Variants in EDIL3 observed in about 807,000 individuals in gnomAD.
The protein encoded by EDIL3 is EGF-like repeat and discoidin I-like domain-containing protein 3.
Under a neutral mutation model 67.4 loss-of-function variants are expected in EDIL3, and 37 were observed. The observed-to-expected ratio is 0.55, with a 90% CI of 0.42 to 0.72. The LOEUF is 0.72. EDIL3 is among the 30% of genes least tolerant of loss of function. The pLI is 0.00. For missense variants in EDIL3, 527 were observed against 586.3 expected (o/e 0.90, Z 1.04); for synonymous variants, 195 against 196.3 (o/e 0.99, Z 0.05).
chr5:84,162,326 G>A (rs1056662728), intron 4 of EDIL3, among the ~76,000 whole-genome samples: 2 of 152,066 alleles, frequency 1.3e-5, no homozygotes, highest in Non-Finnish European at 2.9e-5. Flanking sequence ...CAGGACAAGG[G>A]GTCCCTCCTG....
rs950373941 is a variant in EDIL3 at position 84,239,878 on chromosome 5, C to G, written c.197-9994G>C. 3.9e-5 allele frequency among the ~76,000 whole-genome samples: 6 copies of G among 152,168 alleles called. No homozygotes were observed. The East Asian group carries it at 1.2e-3, about 29-fold the overall frequency. On this transcript the variant is annotated intron_variant, in intron 2 of 10. Coordinates refer to ENST00000296591, the MANE Select transcript of EDIL3 (RefSeq NM_005711.5). ...CAGACAGGAAAACCAAACATTTGTTCTAATGGAAACAATTTCCTTAGTGTC... is the reference window on the plus strand; with the variant it reads ...CAGACAGGAAAACCAAACATTTGTTGTAATGGAAACAATTTCCTTAGTGTC...
chr5:84,009,567 C>T (rs1745483396), intron 9 of EDIL3, among the ~76,000 whole-genome samples: 1 of 152,102 alleles, frequency 6.6e-6, no homozygotes. Flanking sequence ...GGCAATTAAA[C>T]AAAATTCCAG....
At chr5:84,174,420 T>C (rs1208895464) in intron 4 of EDIL3, among the ~76,000 whole-genome samples, 1 of 152,156 alleles carries the variant, frequency 6.6e-6, no homozygotes, top group Non-Finnish European at 1.5e-5. Context: ...TATGGTAACA[T>C]TCATCAGTTC....
At chr5:84,110,284 G>T in intron 5 of EDIL3, among the ~76,000 whole-genome samples, 1 of 152,172 alleles carries the variant, frequency 6.6e-6, no homozygotes, top group East Asian at 1.9e-4. Flanking sequence ...TCAAATGGAT[G>T]TCATCACAAT....
At chr5:84,050,114 T>C (rs1022541936) in intron 9 of EDIL3, among the ~76,000 whole-genome samples, 2 of 141,838 alleles carry the variant, frequency 1.4e-5, no homozygotes, top group Admixed American at 7.8e-5. Context: ...AGGAGAATGG[T>C]GTGAACCCGG....
chr5:84,273,995 G>C (rs572442515), intron 1 of EDIL3, among the ~76,000 whole-genome samples: 33 of 149,526 alleles, frequency 2.2e-4, no homozygotes, highest in African/African-American at 7.0e-4. Flanking sequence ...AGGTGGGGAT[G>C]ATCTAACCTA....
intron 9 of EDIL3, among the ~76,000 whole-genome samples, chr5:84,040,859 C>T (rs372211020): frequency 4.6e-5 from 7 of 152,162 alleles, no homozygotes; most frequent in East Asian, 1.9e-4. Flanking sequence ...AGGCCAGGCA[C>T]AGCGGCTCAC....
At chr5:84,360,203 T>C (rs1171082146) in intron 1 of EDIL3, among the ~76,000 whole-genome samples, 2 of 152,132 alleles carry the variant, frequency 1.3e-5, no homozygotes, top group Admixed American at 1.3e-4. Context: ...AAAATTATGT[T>C]TGCTGAATAG....
chr5:84,066,314 T>C (rs1247011610), intron 7 of EDIL3, 137 bp downstream of exon 7: 3 of 938,614 alleles, frequency 3.2e-6, no homozygotes, highest in Non-Finnish European at 4.5e-6. Flanking sequence ...TTCATCACAC[T>C]AGCCCAATTA....
At chr5:84,357,953 C>T (rs1312489499) in intron 1 of EDIL3, among the ~76,000 whole-genome samples, 2 of 151,026 alleles carry the variant, frequency 1.3e-5, no homozygotes, top group East Asian at 3.9e-4. Flanking sequence ...TAAAATACTC[C>T]AACCATTTCT....
intron 4 of EDIL3, among the ~76,000 whole-genome samples, chr5:84,158,880 C>T (rs1393316392): frequency 6.6e-6 from 1 of 151,914 alleles, no homozygotes; most frequent in Non-Finnish European, 1.5e-5. Context: ...TGTTGCAGTT[C>T]CATTCTCGGC....
chr5:84,060,553 T>C (rs1561418761), intron 8 of EDIL3, 69 bp from the exon 9 acceptor site: 3 of 1,549,532 alleles, frequency 1.9e-6, no homozygotes, highest in Middle Eastern at 1.7e-4. Context: ...GCATTCATTT[T>C]GGATAGGCAA....
rs553295505 is a variant in EDIL3, at chr5:84,042,656, T to G, written c.1137+17644A>C. Among the ~76,000 whole-genome samples, 5 of 152,284 alleles carry G rather than the reference T, an allele frequency of 3.3e-5. No homozygotes were observed. In the South Asian group the frequency reaches 1.0e-3, roughly 32 times the overall value. On this transcript the variant is annotated intron_variant, in intron 9 of 10. Coordinates refer to ENST00000296591, the MANE Select transcript of EDIL3 (RefSeq NM_005711.5). ...GCACACCCCTGCTTCCTTTAAATTTTTTTTATTTAGAGGACACAAAGCATG... is the reference window on the plus strand; with the variant it reads ...GCACACCCCTGCTTCCTTTAAATTTGTTTTATTTAGAGGACACAAAGCATG...
chr5:84,137,413 G>A, intron 4 of EDIL3, 59 bp from the exon 5 acceptor site: 17 of 1,469,504 alleles, frequency 1.2e-5, no homozygotes, highest in Non-Finnish European at 1.6e-5. Context: ...ATTAGATATT[G>A]GAAAGTTTTA....
chr5:84,043,090 C>T (rs1746160684), intron 9 of EDIL3, among the ~76,000 whole-genome samples: 1 of 152,120 alleles, frequency 6.6e-6, no homozygotes, highest in African/African-American at 2.4e-5. Flanking sequence ...CAAGAGAAAA[C>T]AGTTTTAAAG....
intron 9 of EDIL3, among the ~76,000 whole-genome samples, chr5:84,017,496 T>A (rs1024906681): frequency 6.6e-6 from 1 of 152,192 alleles, no homozygotes; most frequent in Non-Finnish European, 1.5e-5. Flanking sequence ...CTGGTGAAAC[T>A]ATGTGAGGAC....
chr5:84,170,408 G>A (rs1580359140), intron 4 of EDIL3, among the ~76,000 whole-genome samples: 2 of 152,314 alleles, frequency 1.3e-5, no homozygotes, highest in East Asian at 3.9e-4. Context: ...ACCATGTGCA[G>A]TTTCAGTTGG....
chr5:83,996,180 TA>T (rs1745235924), intron 9 of EDIL3, among the ~76,000 whole-genome samples: 3 of 152,212 alleles, frequency 2.0e-5, no homozygotes, highest in Admixed American at 2.0e-4. Flanking sequence ...TGCAAACCTT[TA>T]TAATAATATT....
Position 84,121,008 on chromosome 5 carries a change from T to G in EDIL3, c.470-14178A>C, listed in dbSNP as rs114778202. Among the ~76,000 whole-genome samples the G allele has an allele frequency of 9.0e-3, 1,375 of 152,094 alleles. 7 individuals are homozygous for G. Among genetic ancestry groups the G allele is most frequent in the Middle Eastern group, 0.02 (6 of 294 alleles). On this transcript the variant is annotated intron_variant, in intron 5 of 10. Coordinates refer to ENST00000296591, the MANE Select transcript of EDIL3 (RefSeq NM_005711.5). Reference sequence around the variant, plus strand: ...ACAGTGACAGTAGGGAGGGGATTACTATAAAATGAAAAGTAAATCAGGCTG... The same window carrying G: ...ACAGTGACAGTAGGGAGGGGATTACGATAAAATGAAAAGTAAATCAGGCTG...
Sources: gnomAD v4.1 joint callset for allele counts (sites outside exome capture counted in the v4.1 genomes callset) on GRCh38, gnomAD v4.1.1 for gene constraint, MANE v1.5 for transcripts, NCBI Gene and HGNC (gene_info 2026-07-23, HGNC 2026-07-21) for gene names.